The following MIS18BP1 variants were observed in gnomAD, a reference collection of about 807,000 sequenced individuals.
The protein encoded by MIS18BP1 is MIS18 binding protein 1.
Under a neutral mutation model 116.1 loss-of-function variants are expected in MIS18BP1, and 72 were observed. The observed-to-expected ratio is 0.62, with a 90% confidence interval of 0.51 to 0.75. The LOEUF is 0.75. Ranked by LOEUF, MIS18BP1 falls within the 30% of genes least tolerant of loss-of-function variation. MIS18BP1 has a pLI of 0.00. For missense variants in MIS18BP1, 1,363 were observed against 1,303.2 expected, an observed-to-expected ratio of 1.05 and a Z score of -0.71; for synonymous variants, 386 against 427.0, an observed-to-expected ratio of 0.90 and a Z score of 1.18.
At chr14:45,219,777 T>C (rs1331181734) in intron 11 of MIS18BP1, among the ~76,000 whole-genome samples, 4 of 152,216 alleles carry the variant, frequency 2.6e-5, no homozygotes, top group Non-Finnish European at 5.9e-5. Context: ...CTAGAAGGAC[T>C]TGGGAACTCA....
chr14:45,214,456 C>T (rs1890760007), intron 13 of MIS18BP1, among the ~76,000 whole-genome samples: 1 of 152,190 alleles, frequency 6.6e-6, no homozygotes, highest in Admixed American at 6.5e-5. Context: ...CCCTACTGTC[C>T]TGCCATATCC....
chr14:45,222,996 C>G (rs1411084950), intron 11 of MIS18BP1, among the ~76,000 whole-genome samples: 1 of 152,190 alleles, frequency 6.6e-6, no homozygotes. Context: ...TTAGATATAT[C>G]TCAGCCCCAG....
At chr14:45,245,371 CT>C (rs1165758481) in intron 2 of MIS18BP1, among the ~76,000 whole-genome samples, 10 of 148,510 alleles carry the variant, frequency 6.7e-5, no homozygotes, top group Non-Finnish European at 6.0e-5. Flanking sequence ...TTTTTTATTT[CT>C]TTTTTTTTTG....
At chr14:45,230,351 A>G (rs1410028015) in intron 8 of MIS18BP1, among the ~76,000 whole-genome samples, 1 of 152,134 alleles carries the variant, frequency 6.6e-6, no homozygotes, top group Non-Finnish European at 1.5e-5. Flanking sequence ...AAGAGAGAGG[A>G]AAAAAAGAAC....
chr14:45,217,655 C>T (rs938682138), intron 12 of MIS18BP1, among the ~76,000 whole-genome samples: 19 of 151,428 alleles, frequency 1.3e-4, no homozygotes, highest in Non-Finnish European at 2.1e-4. Context: ...AGGCTGGTCT[C>T]GAACTTGTGA....
chr14:45,235,842 C>T lies in MIS18BP1; in HGVS notation c.1320G>A (p.Met440Ile). 1 of 1,607,474 alleles carries T rather than the reference C, an allele frequency of 6.2e-7. No individual in the cohort carries two copies. Residue 440 changes from methionine to isoleucine, a missense_variant, in exon 6 of 17, where the codon ATG (methionine) becomes ATA (isoleucine). Met to Ile is a conservative substitution (Grantham distance 10). Coordinates refer to ENST00000310806, the MANE Select transcript of MIS18BP1 (RefSeq NM_018353.5). Reference protein sequence around the residue: ...ISGNVYILKGMIDQISMKEAG... With the variant: ...ISGNVYILKGIIDQISMKEAG... ...CTTCTTTCATGGAAATTTGGTCTAT[C>T]ATGCCTTTTAATATATAAACGTTGC...
intron 13 of MIS18BP1, among the ~76,000 whole-genome samples, chr14:45,212,132 G>A (rs1331395621): frequency 6.6e-6 from 1 of 152,164 alleles, no homozygotes; most frequent in African/African-American, 2.4e-5. Context: ...ACTGAGGCAA[G>A]GAGTTTGGAA....
At position 45,223,749 on chromosome 14, in the gene MIS18BP1, A is replaced by G. The variant is rs144282737; in HGVS notation, c.2669+169T>C. On this transcript the variant is annotated intron_variant, in intron 11 of 16. Coordinates refer to ENST00000310806, the MANE Select transcript of MIS18BP1 (RefSeq NM_018353.5). ...TTCCTCGTATTAGAGATGACCACAA[A>G]AATACCACTAGGAGTTATGTGTAGT... 6.1e-3 allele frequency among the ~76,000 whole-genome samples: 929 copies of G among 152,240 alleles called. 8 individuals are homozygous for G. Among genetic ancestry groups the G allele is most frequent in the African/African-American group, 0.018 (757 of 41,538 alleles).
chr14:45,239,387 G>A (rs979285884), intron 4 of MIS18BP1, among the ~76,000 whole-genome samples: 3 of 152,198 alleles, frequency 2.0e-5, no homozygotes, highest in Non-Finnish European at 4.4e-5. Context: ...GTCAGGGAAC[G>A]TCTTGGAAGA....
chr14:45,245,681 T>C (rs1891704769), intron 2 of MIS18BP1, among the ~76,000 whole-genome samples: 1 of 152,174 alleles, frequency 6.6e-6, no homozygotes. Context: ...CTACTCTTTA[T>C]TCTACCTTCC....
intron 14 of MIS18BP1, 121 bp from the exon 15 acceptor site, chr14:45,206,291 G>A (rs965209580): frequency 5.8e-6 from 4 of 687,424 alleles, no homozygotes; most frequent in African/African-American, 5.5e-5. Context: ...AATTTCAAAT[G>A]TATTTCTTTT....
chr14:45,244,213 C>T lies in MIS18BP1; in HGVS notation c.545-1339G>A, dbSNP rs576616965. ...TGCTACCTATGAGACATAGAGCAAG[C>T]GGACTTACACTCTTTACAATCCCCA... On this transcript the variant is annotated intron_variant, in intron 2 of 16. Transcript: ENST00000310806. Among the ~76,000 whole-genome samples, 126 of 152,282 alleles carry T rather than the reference C, an allele frequency of 8.3e-4. 1 individual carries two copies. Among genetic ancestry groups the T allele is most frequent in the African/African-American group, 2.5e-3 (102 of 41,562 alleles).
chr14:45,250,985 C>T lies in MIS18BP1; in HGVS notation c.-92+2050G>A, dbSNP rs180736715. Among the ~76,000 whole-genome samples the T allele has an allele frequency of 2.9e-3, 423 of 146,222 alleles. 3 individuals carry two copies. The highest frequency in any genetic ancestry group is 0.01 in the African/African-American group (410 of 39,362). ...CCGGGAGGCGGAGCTTGCAGTGAGC[C>T]GACATCGCGCCACTGCACTCCAGCA... On this transcript the variant is annotated intron_variant, in intron 1 of 16. Coordinates refer to ENST00000310806, the MANE Select transcript of MIS18BP1 (RefSeq NM_018353.5).
At chr14:45,249,562 C>A (rs1891812999) in intron 1 of MIS18BP1, among the ~76,000 whole-genome samples, 1 of 152,144 alleles carries the variant, frequency 6.6e-6, no homozygotes, top group South Asian at 2.1e-4. Flanking sequence ...GCTATACAAT[C>A]TCTCAAAATC....
chr14:45,207,094 C>G (rs992677352), intron 14 of MIS18BP1, among the ~76,000 whole-genome samples: 2 of 152,154 alleles, frequency 1.3e-5, no homozygotes, highest in African/African-American at 2.4e-5. Flanking sequence ...TCACTCATAA[C>G]TGAAGAGATT....
At chr14:45,246,355 A>C (rs1891721262) in intron 2 of MIS18BP1, among the ~76,000 whole-genome samples, 1 of 152,202 alleles carries the variant, frequency 6.6e-6, no homozygotes, top group Non-Finnish European at 1.5e-5. Flanking sequence ...TGCTATTTCA[A>C]GGCGTTTATA....
At chr14:45,209,516 G>C (rs887419659) in intron 14 of MIS18BP1, among the ~76,000 whole-genome samples, 1 of 151,884 alleles carries the variant, frequency 6.6e-6, no homozygotes, top group Non-Finnish European at 1.5e-5. Context: ...TTTTTTTGTA[G>C]AAATGGGGTC....
chr14:45,240,261 T>C (rs1241028977), intron 4 of MIS18BP1, among the ~76,000 whole-genome samples: 2 of 151,808 alleles, frequency 1.3e-5, no homozygotes, highest in Admixed American at 6.6e-5. Flanking sequence ...AAAGAGGAAA[T>C]AGCAAAGAGG....
rs769491652 is a variant in MIS18BP1 at position 45,242,376 on chromosome 14, C to T, written c.801G>A (p.Thr267=). The change falls in exon 4 of 17, where the codon ACG becomes ACA. Residue 267 remains threonine (T), a synonymous_variant. Coordinates refer to ENST00000310806, the MANE Select transcript of MIS18BP1 (RefSeq NM_018353.5). The part of the protein sequence containing the change: ...IVATTKSKKD[T]FVLESVDSAD... Reference sequence around the variant, plus strand: ...CAGAATCAACGCTTTCTAAAACAAACGTGTCCTTTTTGGATTTAGTGGTTG... The same window carrying T: ...CAGAATCAACGCTTTCTAAAACAAATGTGTCCTTTTTGGATTTAGTGGTTG... 15 of 1,613,918 alleles carry T rather than the reference C, an allele frequency of 9.3e-6. No homozygotes were observed. The highest frequency in any genetic ancestry group is 4.0e-5 in the African/African-American group (3 of 74,918).
Sources: allele counts gnomAD v4.1 joint callset (sites outside exome capture counted in the v4.1 genomes callset), GRCh38; gene constraint gnomAD v4.1.1; transcripts MANE v1.5; gene names NCBI Gene and HGNC (gene_info 2026-07-23, HGNC 2026-07-21).